Variants in PRKCE observed in about 807,000 individuals in gnomAD.
The protein encoded by PRKCE is protein kinase C epsilon type.
In PRKCE, 16 loss-of-function variants were observed where a neutral mutation model predicts 85.4. The observed-to-expected ratio is 0.19, with a 90% CI of 0.13 to 0.28. The LOEUF (loss-of-function observed/expected upper bound fraction) is 0.28, where lower values mean the gene tolerates loss of function less well. Ranked by LOEUF, PRKCE falls within the 10% of genes least tolerant of loss-of-function variation. PRKCE has a pLI of 1.00. For synonymous variants in PRKCE, 388 were observed against 371.5 expected (o/e 1.04, Z -0.51); for missense variants, 573 against 975.2 (o/e 0.59, Z 5.49).
At chr2:45,740,553 CA>C (rs1198869652) in intron 1 of PRKCE, among the ~76,000 whole-genome samples, 2 of 152,182 alleles carry the variant, frequency 1.3e-5, no homozygotes, top group Non-Finnish European at 2.9e-5. Flanking sequence ...TCCCCCTGCC[CA>C]TTGCAAGCCC....
intron 6 of PRKCE, among the ~76,000 whole-genome samples, chr2:45,991,559 A>G (rs892980899): frequency 2.6e-5 from 4 of 152,224 alleles, no homozygotes; most frequent in Admixed American, 2.6e-4. Flanking sequence ...CACATTGTGG[A>G]TGTTCCGTAG....
intron 1 of PRKCE, among the ~76,000 whole-genome samples, chr2:45,763,674 C>T (rs117218480): frequency 6.6e-6 from 1 of 152,268 alleles, no homozygotes; most frequent in East Asian, 1.9e-4. Flanking sequence ...AGGCTCCCTC[C>T]GCTGTCTTTT....
intron 2 of PRKCE, among the ~76,000 whole-genome samples, chr2:45,870,221 C>G (rs192352809): frequency 3.2e-4 from 48 of 152,276 alleles, no homozygotes; most frequent in African/African-American, 1.1e-3. Context: ...GTCAGGAGGA[C>G]TGCTGGTTGA....
At chr2:45,944,123 G>A (rs972205808) in intron 2 of PRKCE, among the ~76,000 whole-genome samples, 1 of 152,314 alleles carries the variant, frequency 6.6e-6, no homozygotes, top group Admixed American at 6.5e-5. Flanking sequence ...GCATATTCTT[G>A]ACTAGATTCA....
At chr2:45,779,592 ATATAT>A (rs908135552) in intron 1 of PRKCE, among the ~76,000 whole-genome samples, 3 of 150,502 alleles carry the variant, frequency 2.0e-5, no homozygotes, top group African/African-American at 7.5e-5. Context: ...TAATGCAGAA[ATATAT>A]TAAAGTAAAA....
At chr2:46,158,361 C>G (rs1414547266) in intron 13 of PRKCE, among the ~76,000 whole-genome samples, 1 of 152,126 alleles carries the variant, frequency 6.6e-6, no homozygotes, top group Non-Finnish European at 1.5e-5. Flanking sequence ...TGAGGAGCTC[C>G]TGTGTGCCAA....
chr2:45,713,416 GGGT>G, intron 1 of PRKCE, among the ~76,000 whole-genome samples: 1 of 152,198 alleles, frequency 6.6e-6, no homozygotes, highest in East Asian at 1.9e-4. Flanking sequence ...GTAGCTGCAG[GGGT>G]ATGCATCTTC....
At chr2:46,126,802 G>A (rs1673912056) in intron 11 of PRKCE, among the ~76,000 whole-genome samples, 1 of 152,088 alleles carries the variant, frequency 6.6e-6, no homozygotes, top group African/African-American at 2.4e-5. Flanking sequence ...GCCCTTACTG[G>A]GAGCTGATGA....
intron 10 of PRKCE, among the ~76,000 whole-genome samples, chr2:46,031,744 G>A (rs1419975538): frequency 2.6e-5 from 4 of 152,002 alleles, no homozygotes; most frequent in Non-Finnish European, 5.9e-5. Context: ...GTCATTTCTG[G>A]AACTAAAATC....
In PRKCE at chr2:46,159,122, C is replaced by A. The variant is rs554485370; in HGVS notation, c.1921-484C>A. Among the ~76,000 whole-genome samples the A allele has an allele frequency of 1.6e-4, 24 of 152,324 alleles. No individual in the cohort carries two copies. Among genetic ancestry groups the A allele is most frequent in the African/African-American group, 5.8e-4 (24 of 41,568 alleles). ...TGGAGGAGGCATTAGTACATTTGAT[C>A]ATTTACCTGGTCCTTATTCCTTATC... is the stretch of plus-strand genomic sequence containing the variant. On this transcript the variant is annotated intron_variant, in intron 13 of 14. Coordinates refer to ENST00000306156, the MANE Select transcript of PRKCE (RefSeq NM_005400.3). The surrounding 1 kb of genome is among the most constrained non-coding windows in gnomAD (Gnocchi z 4.1).
intron 10 of PRKCE, among the ~76,000 whole-genome samples, chr2:46,035,188 C>G (rs1384129283): frequency 6.6e-6 from 1 of 152,174 alleles, no homozygotes; most frequent in Admixed American, 6.5e-5. Flanking sequence ...TCCAGGTGTC[C>G]CCATACACCA....
intron 2 of PRKCE, among the ~76,000 whole-genome samples, chr2:45,975,837 C>G (rs570100657): frequency 3.9e-5 from 6 of 152,260 alleles, no homozygotes; most frequent in African/African-American, 1.4e-4. Flanking sequence ...TTTCCCTCTC[C>G]TTTTGACCTC....
chr2:45,673,882 G>A (rs1352170446), intron 1 of PRKCE, among the ~76,000 whole-genome samples: 1 of 152,146 alleles, frequency 6.6e-6, no homozygotes, highest in Non-Finnish European at 1.5e-5. Context: ...TCGTTCCTAT[G>A]GAATTACATT....
At chr2:46,061,882 C>T (rs1667176084) in intron 10 of PRKCE, among the ~76,000 whole-genome samples, 1 of 96,352 alleles carries the variant, frequency 1.0e-5, no homozygotes, top group South Asian at 2.9e-4. Context: ...TTTTTTGCAA[C>T]AGTCTCGTTC....
intron 5 of PRKCE, among the ~76,000 whole-genome samples, chr2:45,982,476 G>C (rs1391085045): frequency 6.6e-6 from 1 of 152,200 alleles, no homozygotes; most frequent in Non-Finnish European, 1.5e-5. Context: ...GTCTTAGCAT[G>C]CGGTGGACTC....
chr2:46,045,676 C>T (rs1226242809), intron 10 of PRKCE, among the ~76,000 whole-genome samples: 2 of 152,070 alleles, frequency 1.3e-5, no homozygotes, highest in African/African-American at 2.4e-5. Flanking sequence ...GTCAGGAGTT[C>T]GCAACCAGCC....
At chr2:45,999,048 A>G (rs1336270643) in intron 6 of PRKCE, among the ~76,000 whole-genome samples, 1 of 152,236 alleles carries the variant, frequency 6.6e-6, no homozygotes, top group Non-Finnish European at 1.5e-5. Context: ...TATATGAAAT[A>G]CTATAATTAC....
chr2:46,021,364 G>A (rs138526526), intron 10 of PRKCE, among the ~76,000 whole-genome samples: 9 of 152,134 alleles, frequency 5.9e-5, no homozygotes, highest in South Asian at 2.1e-4. Context: ...ACAGCTCTGC[G>A]TAGCCTGCAT....
At chr2:45,998,245 G>C (rs1175739414) in intron 6 of PRKCE, among the ~76,000 whole-genome samples, 4 of 152,122 alleles carry the variant, frequency 2.6e-5, no homozygotes, top group African/African-American at 9.7e-5. Flanking sequence ...GTTTCTGCCT[G>C]CTAGATCTGT....
Sources: allele counts gnomAD v4.1 joint callset (sites outside exome capture counted in the v4.1 genomes callset), GRCh38; gene constraint gnomAD v4.1.1; non-coding constraint Gnocchi (gnomAD v3.1); transcripts MANE v1.5; gene names NCBI Gene and HGNC (gene_info 2026-07-23, HGNC 2026-07-21).